SMARCAD1: variants seen among roughly 807,000 people sequenced by gnomAD.
SMARCAD1 encodes SNF2 related chromatin remodeling ATPase with DExD box 1.
SMARCAD1 carries 25 observed loss-of-function variants against 127.1 expected under a neutral mutation model. The observed-to-expected ratio is 0.20, with a 90% confidence interval of 0.14 to 0.27. The LOEUF is 0.27. SMARCAD1 is among the 10% of genes least tolerant of loss of function. SMARCAD1 has a pLI of 1.00. For synonymous variants in SMARCAD1, 400 were observed against 396.9 expected, an observed-to-expected ratio of 1.01 and a Z score of -0.09; for missense variants, 807 against 1,206.0, an observed-to-expected ratio of 0.67 and a Z score of 4.90.
At chr4:94,263,234 TAC>T (rs1312855755) in intron 9 of SMARCAD1, among the ~76,000 whole-genome samples, 3 of 152,150 alleles carry the variant, frequency 2.0e-5, no homozygotes, top group Admixed American at 1.3e-4. Flanking sequence ...TTCAATGTAT[TAC>T]ACACACATAC....
rs1749475893 is a variant in SMARCAD1, at chr4:94,252,767, T to C, written c.1041T>C (p.Asn347=). 6.2e-7 allele frequency: 1 copy of C among 1,609,256 alleles called. No individual in the cohort carries two copies. Among genetic ancestry groups the C allele is most frequent in the Non-Finnish European group, 8.5e-7 (1 of 1,178,876 alleles). The change falls in exon 9 of 24, where the codon AAT becomes AAC. Residue 347 remains asparagine (N), a synonymous_variant. Coordinates refer to ENST00000354268, the MANE Select transcript of SMARCAD1 (RefSeq NM_020159.5). ...QNGFNKKRKK[N]VFNPKRVVED... ...GCTTTAACAAGAAACGTAAAAAAAA[T>C]GTTTTTAATCCAAAGAGAGTTGTTG...
At chr4:94,276,018 C>T (rs1579323671) in intron 14 of SMARCAD1, among the ~76,000 whole-genome samples, 2 of 151,890 alleles carry the variant, frequency 1.3e-5, no homozygotes, top group African/African-American at 2.4e-5. Flanking sequence ...AGGATGGTCT[C>T]GATCTTCTGA....
At chr4:94,253,453 CCAGCCTAAGTGTTTTAT>C (rs1471809809) in intron 9 of SMARCAD1, 14 of 1,184,670 alleles carry the variant, frequency 1.2e-5, no homozygotes, top group Non-Finnish European at 1.5e-5. Flanking sequence ...ATTCAAAATG[CCAGCCTAAGTGTTTTAT>C]GCTTCACCAC....
intron 3 of SMARCAD1, among the ~76,000 whole-genome samples, chr4:94,230,816 T>C (rs1745727265): frequency 6.6e-6 from 1 of 152,072 alleles, no homozygotes; most frequent in African/African-American, 2.4e-5. Context: ...CTTCAGCAGT[T>C]GAAGAAGGTG....
intron 21 of SMARCAD1, among the ~76,000 whole-genome samples, chr4:94,282,642 T>G (rs1052693070): frequency 6.6e-6 from 1 of 152,144 alleles, no homozygotes; most frequent in African/African-American, 2.4e-5. Flanking sequence ...TGATTTATTT[T>G]TTTTCTGTTG....
At chr4:94,253,798 T>C (rs1450884256) in intron 9 of SMARCAD1, 4 of 672,454 alleles carry the variant, frequency 5.9e-6, no homozygotes, top group Non-Finnish European at 7.4e-6. Flanking sequence ...CAGATAAATA[T>C]AAGAACTCTT....
At chr4:94,284,347 A>AAAAAG (rs1754582111) in intron 22 of SMARCAD1, among the ~76,000 whole-genome samples, 4 of 99,842 alleles carry the variant, frequency 4.0e-5, no homozygotes, top group Admixed American at 1.2e-4. Flanking sequence ...AAAAAAAAAA[A>AAAAAG]AAAAAAGAAA....
At chr4:94,226,943 G>C (rs1318334547) in intron 3 of SMARCAD1, among the ~76,000 whole-genome samples, 1 of 151,672 alleles carries the variant, frequency 6.6e-6, no homozygotes, top group African/African-American at 2.4e-5. Context: ...GCCTCAAGCA[G>C]TCCTGCCATC....
chr4:94,245,566 T>G (rs1197133383), intron 6 of SMARCAD1, among the ~76,000 whole-genome samples: 3 of 152,336 alleles, frequency 2.0e-5, no homozygotes, highest in African/African-American at 7.2e-5. Flanking sequence ...GACAGTGAGC[T>G]ACAACCTTCT....
intron 11 of SMARCAD1, among the ~76,000 whole-genome samples, chr4:94,273,130 G>T (rs760267308): frequency 2.8e-4 from 42 of 152,258 alleles, no homozygotes; most frequent in Non-Finnish European, 4.4e-4. Flanking sequence ...CCAGTGTTTG[G>T]CTATTAAGAT....
intron 10 of SMARCAD1, among the ~76,000 whole-genome samples, 171 bp downstream of exon 10, chr4:94,265,077 C>A (rs903441474): frequency 1.3e-5 from 2 of 151,688 alleles, no homozygotes; most frequent in Non-Finnish European, 2.9e-5. Context: ...CATTGATTTC[C>A]CCCACCCCCA....
chr4:94,281,336 A>T, intron 20 of SMARCAD1, 136 bp from the exon 21 acceptor site: 1 of 727,210 alleles, frequency 1.4e-6, no homozygotes, highest in Non-Finnish European at 2.5e-6. Flanking sequence ...TGTATTAAAG[A>T]AGCAGTTTAT....
intron 16 of SMARCAD1, among the ~76,000 whole-genome samples, chr4:94,277,983 C>G (rs1753533986): frequency 6.6e-6 from 1 of 152,158 alleles, no homozygotes; most frequent in African/African-American, 2.4e-5. Context: ...GCACTATTCC[C>G]CATTTTTAGA....
chr4:94,283,512 G>A (rs541848357), intron 22 of SMARCAD1, among the ~76,000 whole-genome samples: 3 of 152,134 alleles, frequency 2.0e-5, no homozygotes, highest in African/African-American at 7.2e-5. Context: ...ATTCCAAATA[G>A]TTCTGCAGTT....
chr4:94,273,202 A>G lies in SMARCAD1; in HGVS notation c.1573-415A>G, dbSNP rs141741301. ...ACATAAGCGCTCATATCTCATGATTATATTCTTAAGGGTAGAATTGCTGGG... is the reference window on the plus strand; with the variant it reads ...ACATAAGCGCTCATATCTCATGATTGTATTCTTAAGGGTAGAATTGCTGGG... On this transcript the variant is annotated intron_variant, in intron 11 of 23. Coordinates refer to ENST00000354268, the MANE Select transcript of SMARCAD1 (RefSeq NM_020159.5). Among the ~76,000 whole-genome samples the G allele has an allele frequency of 9.3e-3, 1,419 of 152,312 alleles. 12 individuals carry two copies. The highest frequency in any genetic ancestry group is 0.016 in the Non-Finnish European group (1,080 of 68,030).
intron 2 of SMARCAD1, among the ~76,000 whole-genome samples, chr4:94,223,220 C>T (rs1056251208): frequency 2.0e-5 from 3 of 151,932 alleles, no homozygotes; most frequent in African/African-American, 4.8e-5. Context: ...GAGGGCCGGG[C>T]GTGGTAGCTC....
chr4:94,252,068 T>C (rs975771013), intron 8 of SMARCAD1, among the ~76,000 whole-genome samples: 1 of 152,178 alleles, frequency 6.6e-6, no homozygotes, highest in Non-Finnish European at 1.5e-5. Flanking sequence ...GTCAGGCTGG[T>C]CTCGAACTCC....
At chr4:94,231,228 A>G (rs1196728873) in intron 3 of SMARCAD1, among the ~76,000 whole-genome samples, 1 of 152,148 alleles carries the variant, frequency 6.6e-6, no homozygotes, top group Non-Finnish European at 1.5e-5. Context: ...ACATGGAATT[A>G]ATTGAATTAA....
chr4:94,289,568 A>G lies in SMARCAD1; in HGVS notation c.*34A>G, dbSNP rs1386854613. On this transcript the variant is annotated 3_prime_UTR_variant, in exon 24 of 24. Transcript: ENST00000354268. ...CTGTGAACTCTCAATTGATGAGGAA[A>G]TATCAACTTGGTGCACTCAAGGACA... 17 of 1,535,420 alleles carry G rather than the reference A, an allele frequency of 1.1e-5. No individual in the cohort carries two copies. The highest frequency in any genetic ancestry group is 1.4e-5 in the Non-Finnish European group (16 of 1,108,416).
Sources: allele counts gnomAD v4.1 joint callset (sites outside exome capture counted in the v4.1 genomes callset), GRCh38; gene constraint gnomAD v4.1.1; transcripts MANE v1.5; gene names NCBI Gene and HGNC (gene_info 2026-07-23, HGNC 2026-07-21).